Variants in CRISPLD2 observed in about 807,000 individuals in gnomAD.
CRISPLD2 encodes the protein cysteine-rich secretory protein LCCL domain-containing 2.
CRISPLD2 carries 47 observed loss-of-function variants against 71.1 expected under a neutral mutation model. The observed-to-expected ratio is 0.66, with a 90% CI of 0.52 to 0.84. The LOEUF is 0.84. CRISPLD2 is among the 40% of genes least tolerant of loss of function. CRISPLD2 has a pLI of 0.00. For synonymous variants in CRISPLD2, 317 were observed against 250.1 expected (o/e 1.27, Z -2.52); for missense variants, 830 against 651.1 (o/e 1.27, Z -2.99).
intron 6 of CRISPLD2, among the ~76,000 whole-genome samples, chr16:84,860,293 A>G (rs949612489): frequency 6.6e-6 from 1 of 152,312 alleles, no homozygotes; most frequent in African/African-American, 2.4e-5. Context: ...ATTCAACTCT[A>G]TGTTCCTTCC....
chr16:84,837,632 T>C lies in CRISPLD2; in HGVS notation c.-74-790T>C, dbSNP rs556106879. Among the ~76,000 whole-genome samples the C allele has an allele frequency of 3.3e-5, 5 of 152,212 alleles. No individual in the cohort carries two copies. The South Asian group carries it at 1.0e-3, about 32-fold the overall frequency. On this transcript the variant is annotated intron_variant, in intron 1 of 14. Transcript: ENST00000262424. ...CAGGGTTTCATCGTGTTAGCCAGGA[T>C]GGTCTCGATCTCCTGACCTTGTGAT...
intron 8 of CRISPLD2, among the ~76,000 whole-genome samples, chr16:84,869,551 A>G (rs13330452): frequency 0.017 from 2,612 of 152,312 alleles, 82 homozygotes; most frequent in African/African-American, 0.06. Context: ...GATGAGATGG[A>G]CTTGGAGCAG....
chr16:84,833,921 G>A lies in CRISPLD2; in HGVS notation c.-74-4501G>A, dbSNP rs1337351154. Among the ~76,000 whole-genome samples the A allele has an allele frequency of 3.9e-5, 6 of 152,296 alleles. No homozygotes were observed. In the East Asian group the frequency reaches 1.2e-3, roughly 29 times the overall value. On this transcript the variant is annotated intron_variant, in intron 1 of 14. Transcript: ENST00000262424. ...GAAGAGAACTTTAGGGCAAGATTCG[G>A]TTGTTTGGTTTGGGAGCCCCCTTCC...
chr16:84,898,564 G>A (rs935694045), intron 14 of CRISPLD2, among the ~76,000 whole-genome samples: 1 of 152,166 alleles, frequency 6.6e-6, no homozygotes, highest in Non-Finnish European at 1.5e-5. Context: ...CATCCAGCCT[G>A]CACTTGTCTC....
chr16:84,880,232 T>A (rs761292051), intron 12 of CRISPLD2, among the ~76,000 whole-genome samples: 12 of 152,326 alleles, frequency 7.9e-5, no homozygotes, highest in South Asian at 4.1e-4. Flanking sequence ...TCTCTTAGAT[T>A]TTTATTCTCT....
chr16:84,850,071 T>C (rs1353838856), intron 4 of CRISPLD2, among the ~76,000 whole-genome samples: 3 of 147,564 alleles, frequency 2.0e-5, no homozygotes, highest in African/African-American at 7.4e-5. Context: ...ATTTTCATTG[T>C]GTGGGAGTCT....
chr16:84,837,659 C>T (rs886503092), intron 1 of CRISPLD2, among the ~76,000 whole-genome samples: 11 of 152,128 alleles, frequency 7.2e-5, no homozygotes, highest in South Asian at 2.1e-4. Flanking sequence ...CCTTGTGATC[C>T]GCCCGCCTCG....
rs576367625 is a variant in CRISPLD2, at chr16:84,908,168, G to A, written c.*1526G>A. ...TTTGATTGCCTTTCTAATAAATGCA[G>A]AATCTGAAGGTAAATAGGTTTAAAA... On this transcript the variant is annotated 3_prime_UTR_variant, in exon 15 of 15. Transcript: ENST00000262424. 3 of 152,326 alleles carry A rather than the reference G, an allele frequency of 2.0e-5. No individual in the cohort carries two copies. The highest frequency in any genetic ancestry group is 2.1e-4 in the South Asian group (1 of 4,832). 9.4% of individuals were successfully genotyped at this position (152,326 alleles called of 1,614,324 possible). A position where few individuals can be genotyped will look rare whatever the true frequency, so the allele number is the denominator to read the frequency against.
chr16:84,838,998 G>C, intron 2 of CRISPLD2: 1 of 592,194 alleles, frequency 1.7e-6, no homozygotes, highest in South Asian at 1.6e-5. Context: ...AAGCGATCCT[G>C]CTTCAGCCTC....
chr16:84,848,683 C>G (rs1916984700), intron 3 of CRISPLD2, among the ~76,000 whole-genome samples: 1 of 152,110 alleles, frequency 6.6e-6, no homozygotes, highest in African/African-American at 2.4e-5. Flanking sequence ...TCAGGTGATC[C>G]TACCGCCTCA....
intron 14 of CRISPLD2, among the ~76,000 whole-genome samples, chr16:84,901,787 CTTTTT>C (rs760025598): frequency 2.3e-5 from 2 of 87,846 alleles, no homozygotes; most frequent in Non-Finnish European, 4.1e-5. Flanking sequence ...ACTGGTTGCA[CTTTTT>C]TTTTTTTTTT....
intron 14 of CRISPLD2, among the ~76,000 whole-genome samples, chr16:84,891,825 C>G (rs2071665519): frequency 6.6e-6 from 1 of 152,126 alleles, no homozygotes; most frequent in Admixed American, 6.5e-5. Flanking sequence ...CCACTATCAC[C>G]CAGGGTGTGG....
At chr16:84,857,836 A>C (rs1011293933) in intron 6 of CRISPLD2, among the ~76,000 whole-genome samples, 3 of 152,218 alleles carry the variant, frequency 2.0e-5, no homozygotes, top group African/African-American at 7.2e-5. Flanking sequence ...TTCCTTATGT[A>C]ACTAACTTGT....
chr16:84,855,551 CA>C (rs1351467315), intron 6 of CRISPLD2, among the ~76,000 whole-genome samples: 1 of 151,620 alleles, frequency 6.6e-6, no homozygotes, highest in Non-Finnish European at 1.5e-5. Flanking sequence ...AGTTGGTGCC[CA>C]CCCAGATTAC....
chr16:84,823,871 C>G (rs576843153), intron 1 of CRISPLD2, among the ~76,000 whole-genome samples: 2 of 152,068 alleles, frequency 1.3e-5, no homozygotes, highest in African/African-American at 4.8e-5. Flanking sequence ...ATTTCTGGAA[C>G]GTGTTTTATT....
At chr16:84,823,555 C>G (rs1425353656) in intron 1 of CRISPLD2, among the ~76,000 whole-genome samples, 1 of 152,134 alleles carries the variant, frequency 6.6e-6, no homozygotes, top group African/African-American at 2.4e-5. Flanking sequence ...GCAGTGTTGG[C>G]GTGCCACCTG....
intron 14 of CRISPLD2, among the ~76,000 whole-genome samples, chr16:84,895,563 G>A (rs779717160): frequency 6.6e-6 from 1 of 152,036 alleles, no homozygotes; most frequent in Non-Finnish European, 1.5e-5. Flanking sequence ...AAATCAAAAC[G>A]GAGATTGTAT....
Position 84,872,426 on chromosome 16 carries a change from A to G in CRISPLD2, c.915-16A>G, listed in dbSNP as rs1388424996. On this transcript the variant is annotated splice_polypyrimidine_tract_variant and intron_variant, in intron 8 of 14. Coordinates refer to ENST00000262424, the MANE Select transcript of CRISPLD2 (RefSeq NM_031476.4). ...CGTGCTTATCTCTGAACATCATTTTATTTCTTCCTCGTCAGGTACCAGTGC... is the reference window on the plus strand; with the variant it reads ...CGTGCTTATCTCTGAACATCATTTTGTTTCTTCCTCGTCAGGTACCAGTGC... 6.2e-7 allele frequency: 1 copy of G among 1,610,468 alleles called. No individual in the cohort carries two copies. Among genetic ancestry groups the G allele is most frequent in the Non-Finnish European group, 8.5e-7 (1 of 1,177,022 alleles).
chr16:84,877,384 C>G (rs560724562), intron 11 of CRISPLD2, 54 bp from the exon 12 acceptor site: 326 of 1,552,712 alleles, frequency 2.1e-4, no homozygotes, highest in Non-Finnish European at 2.7e-4. Flanking sequence ...GCCTGGTAGC[C>G]TGAGGCCCAG....
Sources: allele counts gnomAD v4.1 joint callset (sites outside exome capture counted in the v4.1 genomes callset), GRCh38; gene constraint gnomAD v4.1.1; transcripts MANE v1.5; gene names NCBI Gene and HGNC (gene_info 2026-07-23, HGNC 2026-07-21).